Variants in XKR9 observed in about 807,000 individuals in gnomAD.
XKR9 encodes the protein XK related 9, also known as XK-related protein 9.
XKR9 carries 32 observed loss-of-function variants against 32.0 expected under a neutral mutation model. The ratio of observed to expected loss-of-function variants is 1.00; its 90% CI spans 0.76 to 1.34. XKR9 has a LOEUF of 1.34. XKR9 is among the 40% of genes most tolerant of loss of function. XKR9 has a pLI of 0.00. For synonymous variants in XKR9, 168 were observed against 143.4 expected (o/e 1.17, Z -1.22); for missense variants, 546 against 429.7 (o/e 1.27, Z -2.39).
the XKR9 span, among the ~76,000 whole-genome samples, chr8:70,818,076 A>C: frequency 1.6e-3 from 238 of 152,342 alleles, 1 homozygote; most frequent in African/African-American, 5.4e-3. Context: ...GACAGTCCTT[A>C]AAAGCAACTG....
chr8:70,744,184 G>A (rs1224042007), intron 2 of XKR9, among the ~76,000 whole-genome samples: 1 of 151,794 alleles, frequency 6.6e-6, no homozygotes, highest in African/African-American at 2.4e-5. Flanking sequence ...GGTAGCAGGC[G>A]CCTCTAATCC....
chr8:70,681,224 C>T lies in XKR9; in HGVS notation c.166C>T (p.Gln56Ter), dbSNP rs766718346. 1 of 1,613,454 alleles carries T rather than the reference C, an allele frequency of 6.2e-7. No individual in the cohort carries two copies. Residue 56 changes from glutamine (Q) to a stop codon, truncating the protein, a stop_gained, in exon 3 of 5, where the codon CAG becomes TAG. Coordinates refer to ENST00000408926, the MANE Select transcript of XKR9 (RefSeq NM_001011720.2). LOFTEE classifies it high-confidence loss of function. Reference sequence around the variant, plus strand: ...TATGCTTTTTGGAACACTTGTGGCTCAGTGTTTTAGTTATTCTTGGTTCAA... The same window carrying T: ...TATGCTTTTTGGAACACTTGTGGCTTAGTGTTTTAGTTATTCTTGGTTCAA... ...SFMLFGTLVA[Q>*]CFSYSWFKAD... is the part of the protein sequence containing the mutation.
chr8:70,943,975 T>C, the XKR9 span, among the ~76,000 whole-genome samples: 1 of 152,148 alleles, frequency 6.6e-6, no homozygotes, highest in Non-Finnish European at 1.5e-5. Flanking sequence ...GTCTTGTATA[T>C]CTGAGTAGTT....
the XKR9 span, among the ~76,000 whole-genome samples, chr8:70,983,810 T>TAAATA: frequency 6.8e-6 from 1 of 146,356 alleles, no homozygotes; most frequent in African/African-American, 2.5e-5. Flanking sequence ...AATAAATAAA[T>TAAATA]AAATAAAATA....
the XKR9 span, among the ~76,000 whole-genome samples, chr8:70,945,153 T>C: frequency 6.6e-6 from 1 of 152,228 alleles, no homozygotes; most frequent in African/African-American, 2.4e-5. Context: ...TTTGAATATA[T>C]TGAATCTCTC....
chr8:70,894,675 A>G, the XKR9 span, among the ~76,000 whole-genome samples: 2 of 151,998 alleles, frequency 1.3e-5, no homozygotes, highest in Non-Finnish European at 2.9e-5. Context: ...CCAAGGCACC[A>G]TTTCTTAGGA....
chr8:70,740,788 G>C (rs556688272), downstream of XKR9, among the ~76,000 whole-genome samples: 1 of 152,206 alleles, frequency 6.6e-6, no homozygotes, highest in Non-Finnish European at 1.5e-5. Context: ...GTGGATTTTC[G>C]TGAACCACGA....
the XKR9 span, among the ~76,000 whole-genome samples, chr8:70,852,841 T>C: frequency 2.0e-5 from 3 of 151,756 alleles, no homozygotes; most frequent in African/African-American, 7.3e-5. Flanking sequence ...CATTCTGGGG[T>C]CCATTGGCAG....
chr8:70,756,175 C>CTT (rs907219342), intron 2 of XKR9, among the ~76,000 whole-genome samples: 7 of 152,104 alleles, frequency 4.6e-5, no homozygotes, highest in African/African-American at 1.7e-4. Context: ...ATCAGTTGAC[C>CTT]TTAGATACAT....
the XKR9 span, among the ~76,000 whole-genome samples, chr8:70,981,936 C>T: frequency 6.6e-6 from 1 of 152,216 alleles, no homozygotes; most frequent in Non-Finnish European, 1.5e-5. Context: ...CCCAGTGGAG[C>T]TACTAGACTC....
At chr8:70,776,135 C>A (rs908929140) in intron 2 of XKR9, among the ~76,000 whole-genome samples, 14 of 152,074 alleles carry the variant, frequency 9.2e-5, no homozygotes, top group African/African-American at 3.4e-4. Flanking sequence ...GGTTTCTCTT[C>A]CTCTATTTTC....
At chr8:70,960,376 T>G in the XKR9 span, among the ~76,000 whole-genome samples, 2 of 152,192 alleles carry the variant, frequency 1.3e-5, no homozygotes, top group Admixed American at 6.5e-5. Flanking sequence ...CATTTTTCCA[T>G]CATCCATTTT....
the XKR9 span, among the ~76,000 whole-genome samples, chr8:70,932,015 T>C: frequency 6.6e-6 from 1 of 152,184 alleles, no homozygotes; most frequent in South Asian, 2.1e-4. Flanking sequence ...TTCTTGATTC[T>C]GTTGAGTAAA....
chr8:70,923,488 TTGA>T, the XKR9 span, among the ~76,000 whole-genome samples: 2 of 152,370 alleles, frequency 1.3e-5, no homozygotes, highest in East Asian at 3.9e-4. Context: ...CACTGTGAAG[TTGA>T]TGAAGCTCAA....
At chr8:70,740,883 G>T (rs1203313079), downstream of XKR9, among the ~76,000 whole-genome samples, 7 of 152,220 alleles carry the variant, frequency 4.6e-5, no homozygotes, top group African/African-American at 7.2e-5. Context: ...CCTCCTGGGG[G>T]TTGCCTCCCA....
the XKR9 span, among the ~76,000 whole-genome samples, chr8:70,854,101 C>A: frequency 6.6e-6 from 1 of 152,200 alleles, no homozygotes; most frequent in East Asian, 1.9e-4. Flanking sequence ...GGAATCGCCA[C>A]ACTGACTTCC....
At chr8:70,992,616 G>C in the XKR9 span, among the ~76,000 whole-genome samples, 19 of 152,204 alleles carry the variant, frequency 1.2e-4, no homozygotes, top group Admixed American at 2.0e-4. Flanking sequence ...ATGACTTCCT[G>C]TTTATAGGGG....
the XKR9 span, among the ~76,000 whole-genome samples, chr8:70,797,744 C>T: frequency 2.0e-5 from 3 of 152,068 alleles, no homozygotes; most frequent in African/African-American, 4.8e-5. Context: ...CTGTTGTTCC[C>T]TTCTTTGTGT....
chr8:71,026,207 G>T, the XKR9 span, among the ~76,000 whole-genome samples: 1 of 152,158 alleles, frequency 6.6e-6, no homozygotes, highest in Non-Finnish European at 1.5e-5. Context: ...TCCAAACTGT[G>T]TTCTTGTCTC....
Sources: allele counts gnomAD v4.1 joint callset (sites outside exome capture counted in the v4.1 genomes callset), GRCh38; gene constraint gnomAD v4.1.1; transcripts MANE v1.5; gene names NCBI Gene and HGNC (gene_info 2026-07-23, HGNC 2026-07-21).